Variants in SLC16A1 observed in about 807,000 individuals in gnomAD.
The protein encoded by SLC16A1 is monocarboxylate transporter 1.
A neutral mutation model predicts 32.2 loss-of-function variants in SLC16A1; 11 were observed. The ratio of observed to expected loss-of-function variants is 0.34; its 90% CI spans 0.21 to 0.56. The LOEUF is 0.56. Ranked by LOEUF, SLC16A1 falls within the 20% of genes least tolerant of loss-of-function variation. SLC16A1 has a pLI of 0.87. For missense variants in SLC16A1, 435 were observed against 615.0 expected (o/e 0.71, Z 3.10); for synonymous variants, 231 against 226.8 (o/e 1.02, Z -0.17).
At chr1:112,939,544 C>T (rs927848009) in intron 1 of SLC16A1, among the ~76,000 whole-genome samples, 3 of 151,760 alleles carry the variant, frequency 2.0e-5, no homozygotes, top group African/African-American at 7.3e-5. Flanking sequence ...TTGGTCTTGT[C>T]GCCCAGGCTG....
At chr1:112,919,180 G>A (rs1340491808) in intron 3 of SLC16A1, among the ~76,000 whole-genome samples, 5 of 151,724 alleles carry the variant, frequency 3.3e-5, no homozygotes, top group African/African-American at 4.8e-5. Context: ...ACAGGCGCCC[G>A]CCACCATGCC....
chr1:112,920,608 AAAAAC>A (rs142966766), intron 3 of SLC16A1, among the ~76,000 whole-genome samples: 7,845 of 152,102 alleles, frequency 0.052, 648 homozygotes, highest in African/African-American at 0.18. Context: ...TGTGTCTCAA[AAAAAC>A]AAAACAAAAC....
At chr1:112,930,097 AATT>A (rs1203953039) in intron 1 of SLC16A1, among the ~76,000 whole-genome samples, 3 of 152,310 alleles carry the variant, frequency 2.0e-5, no homozygotes, top group Non-Finnish European at 4.4e-5. Context: ...CTTCCTAGCA[AATT>A]AATCAAACCC....
intron 1 of SLC16A1, among the ~76,000 whole-genome samples, chr1:112,936,480 C>CAAAAAA (rs35673011): frequency 1.8e-5 from 1 of 54,894 alleles, no homozygotes; most frequent in East Asian, 6.0e-4. Flanking sequence ...GACTCTGTCT[C>CAAAAAA]AAAAAAAAAA....
intron 2 of SLC16A1, among the ~76,000 whole-genome samples, chr1:112,925,184 A>G (rs923790817): frequency 3.3e-5 from 5 of 152,164 alleles, no homozygotes; most frequent in African/African-American, 9.7e-5. Context: ...CATTTCATGT[A>G]TCAGTTTTTT....
intron 2 of SLC16A1, chr1:112,923,516 G>T (rs977089438): frequency 9.9e-7 from 1 of 1,012,124 alleles, no homozygotes; most frequent in East Asian, 2.4e-5. Context: ...AGATAGACAC[G>T]GCCTTCGTGT....
intron 1 of SLC16A1, among the ~76,000 whole-genome samples, chr1:112,938,511 G>A (rs971899948): frequency 6.6e-6 from 1 of 152,194 alleles, no homozygotes; most frequent in Non-Finnish European, 1.5e-5. Context: ...GATCTGGCTA[G>A]CCAAACACTC....
intron 1 of SLC16A1, among the ~76,000 whole-genome samples, chr1:112,929,944 C>T (rs891063442): frequency 1.4e-4 from 21 of 152,170 alleles, no homozygotes; most frequent in Admixed American, 7.2e-4. Flanking sequence ...CCCAATTCCA[C>T]GGGGGAAGAG....
At chr1:112,925,392 A>T (rs945233972) in intron 2 of SLC16A1, among the ~76,000 whole-genome samples, 7 of 149,510 alleles carry the variant, frequency 4.7e-5, no homozygotes, top group African/African-American at 1.5e-4. Flanking sequence ...TTTTTTTTTT[A>T]AATTTGAGAC....
At chr1:112,948,975 C>T (rs927109800) in intron 1 of SLC16A1, among the ~76,000 whole-genome samples, 4 of 152,116 alleles carry the variant, frequency 2.6e-5, no homozygotes, top group Admixed American at 6.6e-5. Context: ...GGACTACAGG[C>T]GCCCACCACC....
chr1:112,925,715 A>G (rs1189647547), intron 2 of SLC16A1, among the ~76,000 whole-genome samples: 1 of 152,164 alleles, frequency 6.6e-6, no homozygotes, highest in African/African-American at 2.4e-5. Flanking sequence ...TATAATCTGT[A>G]ATTTGCCTTT....
chr1:112,925,992 T>C (rs541251876), intron 2 of SLC16A1, among the ~76,000 whole-genome samples: 8 of 152,330 alleles, frequency 5.3e-5, no homozygotes, highest in African/African-American at 1.7e-4. Context: ...CATATTCTTG[T>C]CTGTTTCTCA....
chr1:112,930,870 C>A lies in SLC16A1; in HGVS notation c.-44-1518G>T, dbSNP rs560437613. Among the ~76,000 whole-genome samples, 27 of 152,258 alleles carry A rather than the reference C, an allele frequency of 1.8e-4. No homozygotes were observed. The Middle Eastern group carries it at 0.017, about 96-fold the overall frequency. On this transcript the variant is annotated intron_variant, in intron 1 of 4. Coordinates refer to ENST00000369626, the MANE Select transcript of SLC16A1 (RefSeq NM_003051.4). ...AGTAGCTGGGACTACAGGCACACGC[C>A]ATCACCTTTGACTGATTTTTGTATT...
intron 3 of SLC16A1, among the ~76,000 whole-genome samples, chr1:112,919,513 TAC>T (rs1054822339): frequency 8.5e-5 from 13 of 152,308 alleles, no homozygotes; most frequent in African/African-American, 2.9e-4. Flanking sequence ...TTACAAAAGC[TAC>T]AGTCATTAGA....
At chr1:112,927,603 T>G (rs1252724635) in intron 2 of SLC16A1, among the ~76,000 whole-genome samples, 1 of 152,196 alleles carries the variant, frequency 6.6e-6, no homozygotes, top group African/African-American at 2.4e-5. Context: ...TGTCTTTTAG[T>G]GTTATTTCAG....
At chr1:112,916,362 G>C (rs1648505531) in intron 4 of SLC16A1, among the ~76,000 whole-genome samples, 1 of 151,454 alleles carries the variant, frequency 6.6e-6, no homozygotes, top group Non-Finnish European at 1.5e-5. Context: ...GCTGGGCATG[G>C]TGGTGGGCGC....
At chr1:112,937,690 T>C (rs1419111800) in intron 1 of SLC16A1, among the ~76,000 whole-genome samples, 1 of 152,228 alleles carries the variant, frequency 6.6e-6, no homozygotes, top group African/African-American at 2.4e-5. Flanking sequence ...GCAGAGCACA[T>C]GCATTCTTTG....
At chr1:112,922,751 G>T (rs950930968) in intron 2 of SLC16A1, among the ~76,000 whole-genome samples, 4 of 152,064 alleles carry the variant, frequency 2.6e-5, no homozygotes, top group Non-Finnish European at 4.4e-5. Context: ...CTCCAGCCTG[G>T]GCAATAGAGT....
At chr1:112,918,572 G>A (rs768306531) in intron 3 of SLC16A1, among the ~76,000 whole-genome samples, 11 of 152,202 alleles carry the variant, frequency 7.2e-5, no homozygotes, top group Admixed American at 1.3e-4. Flanking sequence ...AAGCCAAGGC[G>A]GCAGGATTGA....
Sources: gnomAD v4.1 joint callset for allele counts (sites outside exome capture counted in the v4.1 genomes callset) on GRCh38, gnomAD v4.1.1 for gene constraint, MANE v1.5 for transcripts, NCBI Gene and HGNC (gene_info 2026-07-23, HGNC 2026-07-21) for gene names.